The following BEST1 variants were observed in gnomAD, a reference collection of about 807,000 sequenced individuals.
BEST1 encodes bestrophin-1.
A neutral mutation model predicts 63.3 loss-of-function variants in BEST1; 58 were observed. The observed-to-expected ratio is 0.92, with a 90% CI of 0.74 to 1.14. BEST1 has a LOEUF of 1.14. Among genes scored for constraint, BEST1 ranks in the 50% most tolerant of loss-of-function variants. The pLI is 0.00. For missense variants in BEST1, 671 were observed against 740.1 expected (o/e 0.91, Z 1.08); for synonymous variants, 283 against 291.6 (o/e 0.97, Z 0.30).
At chr11:61,955,512 C>G (rs1036399845) in intron 3 of BEST1, 2 of 1,057,942 alleles carry the variant, frequency 1.9e-6, no homozygotes, top group East Asian at 2.6e-5. Context: ...AGCAGGGGGA[C>G]CCCCGGGTGA....
chr11:61,951,792 G>A lies in BEST1; in HGVS notation c.-15G>A. ...CCAGGACCCAAGCCCACCTGCTGCA[G>A]CCCACTGCCTGGCCATGACCATCAC... is the stretch of plus-strand genomic sequence containing the variant. On this transcript the variant is annotated 5_prime_UTR_variant, in exon 2 of 11. Coordinates refer to ENST00000378043, the MANE Select transcript of BEST1 (RefSeq NM_004183.4). The A allele has an allele frequency of 6.2e-7, 1 of 1,611,266 alleles. No individual in the cohort carries two copies. The highest frequency in any genetic ancestry group is 8.5e-7 in the Non-Finnish European group (1 of 1,179,958).
intron 5 of BEST1, 55 bp from the exon 6 acceptor site, chr11:61,957,332 C>G: frequency 6.5e-7 from 1 of 1,529,650 alleles, no homozygotes; most frequent in Non-Finnish European, 9.1e-7. Flanking sequence ...TGGGGGCGAG[C>G]CCAGGGTGGG....
intron 6 of BEST1, 56 bp downstream of exon 6, chr11:61,957,520 A>C: frequency 6.4e-7 from 1 of 1,555,400 alleles, no homozygotes; most frequent in Non-Finnish European, 8.9e-7. Flanking sequence ...AGAAGGACCA[A>C]GGAAGCAGCT....
chr11:61,959,258 A>G, intron 7 of BEST1: 1 of 580,530 alleles, frequency 1.7e-6, no homozygotes, highest in Non-Finnish European at 3.1e-6. Flanking sequence ...TGATACACTC[A>G]GGGACAGCTG....
At chr11:61,959,186 A>G (rs1941763484) in intron 7 of BEST1, 1 of 436,942 alleles carries the variant, frequency 2.3e-6, no homozygotes. Flanking sequence ...GCATGAATGA[A>G]TAAAATTATG....
Position 61,951,928 on chromosome 11 carries a change from T to C in BEST1, c.122T>C (p.Leu41Pro), listed in dbSNP as rs121918288. 47 of 1,613,728 alleles carry C rather than the reference T, an allele frequency of 2.9e-5. No homozygotes were observed. Among genetic ancestry groups the C allele is most frequent in the Non-Finnish European group, 3.9e-5 (46 of 1,179,964 alleles). The change falls in exon 2 of 11, where the codon CTC becomes CCC. Residue 41 changes from leucine (L) to proline (P), a missense_variant. By Grantham distance (98) the Leu-to-Pro change is moderately conservative. Transcript: ENST00000378043. ...LLYGEFLIFL[L>P]CYYIIRFIYR... is the part of the protein sequence containing the mutation. ...TATGGCGAGTTCTTAATCTTCCTGC[T>C]CTGCTACTACATCATCCGCTTTATT...
Position 61,964,284 on chromosome 11 carries a change from C to T in BEST1, c.*162C>T, listed in dbSNP as rs753262889. 3.2e-5 allele frequency: 44 copies of T among 1,391,662 alleles called. No individual in the cohort carries two copies. Among genetic ancestry groups the T allele is most frequent in the South Asian group, 2.8e-4 (21 of 76,244 alleles). The allele number at this position is 1,391,662 out of a possible 1,614,324, so 86.2% of individuals were successfully genotyped here. On this transcript the variant is annotated 3_prime_UTR_variant, in exon 11 of 11. Transcript: ENST00000378043. Reference sequence around the variant, plus strand: ...CTTAATAGATAAAAATCCCAGACTACTTCAGCCTTTAATGCCTTTTATTCA... The same window carrying T: ...CTTAATAGATAAAAATCCCAGACTATTTCAGCCTTTAATGCCTTTTATTCA...
chr11:61,951,658 C>G (rs1348503745), intron 1 of BEST1, 113 bp from the exon 2 acceptor site: 1 of 1,091,644 alleles, frequency 9.2e-7, no homozygotes, highest in Admixed American at 2.1e-5. Flanking sequence ...ACTTCATCCA[C>G]CTCCTAGGGT....
At chr11:61,964,022 T>C in intron 10 of BEST1, 82 bp from the exon 11 acceptor site, 3 of 1,602,716 alleles carry the variant, frequency 1.9e-6, no homozygotes, top group South Asian at 2.2e-5. Flanking sequence ...GTCTCAACCT[T>C]TGCCCTCCTA....
At position 61,957,042 on chromosome 11, in the gene BEST1, C is replaced by T. The variant is rs195162; in HGVS notation, c.636+44C>T. The T allele has an allele frequency of 0.91, 1,462,840 of 1,613,070 alleles. 666,150 individuals are homozygous for T. Among genetic ancestry groups the T allele is most frequent in the East Asian group, 1 (44,832 of 44,858 alleles). ...CAGGGCTGCCGCAGAGTGGGAAGGG[C>T]TGTGGTCCACAGGAAACAAGGTTTC... On this transcript the variant is annotated intron_variant, in intron 5 of 10. Transcript: ENST00000378043.
chr11:61,962,799 G>A lies in BEST1; in HGVS notation c.1645G>A (p.Glu549Lys), dbSNP rs143671863. 1.7e-5 allele frequency: 28 copies of A among 1,614,040 alleles called. No individual in the cohort carries two copies. Among genetic ancestry groups the A allele is most frequent in the Middle Eastern group, 1.6e-4 (1 of 6,084 alleles). The stretch of plus-strand genomic sequence containing the variant: ...CCTGACGGATATGCCAGAGATCCCC[G>A]AAAATCACCTCAAAGAACCTTTGGA... ...FNLTDMPEIP[E>K]NHLKEPLEQS... The change falls in exon 10 of 11, where the codon GAA becomes AAA. Residue 549 changes from glutamate (E) to lysine (K), a missense_variant. Coordinates refer to ENST00000378043, the MANE Select transcript of BEST1 (RefSeq NM_004183.4).
downstream of BEST1, chr11:61,964,888 A>C: frequency 6.2e-7 from 1 of 1,609,402 alleles, no homozygotes; most frequent in Non-Finnish European, 8.5e-7. Flanking sequence ...ATGAAGTCAC[A>C]CAACTGCAAA....
chr11:61,956,022 A>G lies in BEST1; in HGVS notation c.481+71A>G, dbSNP rs189214341. 157 of 1,428,816 alleles carry G rather than the reference A, an allele frequency of 1.1e-4. 1 individual carries two copies. In the African/African-American group the frequency reaches 1.9e-3, roughly 17 times the overall value. 88.5% of individuals were successfully genotyped at this position (1,428,816 alleles called of 1,614,324 possible). The stretch of plus-strand genomic sequence containing the variant: ...GCCGAGATGGGCGCGGCAGGAATGG[A>G]AGATGGGTGGAGCCAAAGTCCCCCG... On this transcript the variant is annotated intron_variant, in intron 4 of 10. Coordinates refer to ENST00000378043, the MANE Select transcript of BEST1 (RefSeq NM_004183.4).
rs369077599 is a variant in BEST1 at position 61,957,456 on chromosome 11, T to C, written c.706T>C (p.Tyr236His). 2 of 1,613,824 alleles carry C rather than the reference T, an allele frequency of 1.2e-6. No homozygotes were observed. The highest frequency in any genetic ancestry group is 1.7e-6 in the Non-Finnish European group (2 of 1,179,934). Residue 236 changes from tyrosine to histidine, a missense_variant, in exon 6 of 11, where the codon TAT becomes CAT. Physicochemically the swap from Tyr to His is moderately conservative, Grantham distance 83 (BLOSUM62 2). Coordinates refer to ENST00000378043, the MANE Select transcript of BEST1 (RefSeq NM_004183.4). ...AYDWISIPLV[Y>H]TQVVTVAVYS... Reference sequence around the variant, plus strand: ...CGACTGGATTAGTATCCCACTGGTGTATACACAGGTGAGGACTAGGCTGGT... The same window carrying C: ...CGACTGGATTAGTATCCCACTGGTGCATACACAGGTGAGGACTAGGCTGGT...
rs768861222 is a variant in BEST1 at position 61,958,434 on chromosome 11, C to T, written c.867+136C>T. 5.0e-5 allele frequency: 77 copies of T among 1,546,718 alleles called. No homozygotes were observed. The highest frequency in any genetic ancestry group is 6.6e-5 in the Non-Finnish European group (76 of 1,150,672). Reference sequence around the variant, plus strand: ...AAGCAGCCAGGCGTGGTGGCGCACACCTGTAATCCCAGCTACTCGGGAGGC... The same window carrying T: ...AAGCAGCCAGGCGTGGTGGCGCACATCTGTAATCCCAGCTACTCGGGAGGC... On this transcript the variant is annotated intron_variant, in intron 7 of 10. Transcript: ENST00000378043.
chr11:61,961,982 G>C, intron 9 of BEST1: 1 of 512,834 alleles, frequency 1.9e-6, no homozygotes, highest in Non-Finnish European at 3.5e-6. Flanking sequence ...ATGATGAGGA[G>C]GCCTTTACAC....
In BEST1 at chr11:61,958,184, T is replaced by A. The variant is rs1565393693; in HGVS notation, c.753T>A (p.Cys251Ter). ...CGGTGTACAGCTTCTTCCTGACTTG[T>A]CTAGTTGGGCGGCAGTTTCTGAACC... ...TVAVYSFFLTCLVGRQFLNPA... is the reference protein window; with the variant it reads ...TVAVYSFFLT The change falls in exon 7 of 11, where the codon TGT becomes TGA. Residue 251 changes from cysteine to a stop codon, truncating the protein, a stop_gained. Coordinates refer to ENST00000378043, the MANE Select transcript of BEST1 (RefSeq NM_004183.4). LOFTEE classifies it high-confidence loss of function. 4 of 1,613,980 alleles carry A rather than the reference T, an allele frequency of 2.5e-6. No individual in the cohort carries two copies. The highest frequency in any genetic ancestry group is 1.7e-5 in the Admixed American group (1 of 59,998).
chr11:61,958,554 T>A, intron 7 of BEST1: 2 of 892,110 alleles, frequency 2.2e-6, no homozygotes, highest in Non-Finnish European at 3.5e-6. Context: ...AATGAAACTC[T>A]ATCTCAAAAA....
chr11:61,957,004 C>T lies in BEST1; in HGVS notation c.636+6C>T, dbSNP rs1459708062. 2 of 1,613,974 alleles carry T rather than the reference C, an allele frequency of 1.2e-6. No homozygotes were observed. Among genetic ancestry groups the T allele is most frequent in the African/African-American group, 2.7e-5 (2 of 74,914 alleles). On this transcript the variant is annotated splice_donor_region_variant and intron_variant, in intron 5 of 10. Transcript: ENST00000378043. ...TGCTCCAGAGCCTGCTGAACGTGAG[C>T]CCACTGTACAGACAGGGCTGCCGCA...
Sources: gnomAD v4.1 joint callset for allele counts on GRCh38, gnomAD v4.1.1 for gene constraint, MANE v1.5 for transcripts, NCBI Gene and HGNC (gene_info 2026-07-23, HGNC 2026-07-21) for gene names.